SMARCA4: variants seen among roughly 807,000 people sequenced by gnomAD.
SMARCA4 encodes SWI/SNF related BAF chromatin remodeling complex subunit ATPase 4.
Under a neutral mutation model 193.9 loss-of-function variants are expected in SMARCA4, and 31 were observed. The ratio of observed to expected loss-of-function variants is 0.16; its 90% CI spans 0.12 to 0.22. The LOEUF (loss-of-function observed/expected upper bound fraction) is 0.22, where lower values mean the gene tolerates loss of function less well. Ranked by LOEUF, SMARCA4 falls within the 10% of genes least tolerant of loss-of-function variation. The pLI, the probability that SMARCA4 is intolerant of heterozygous loss-of-function variation, is 1.00. For synonymous variants in SMARCA4, 942 were observed against 933.1 expected (o/e 1.01, Z -0.17); for missense variants, 1,148 against 2,296.0 (o/e 0.50, Z 10.22).
In SMARCA4 at chr19:11,024,447, C is replaced by A. The variant is rs112327997; in HGVS notation, c.3081+9C>A. On this transcript the variant is annotated intron_variant, in intron 21 of 34. Coordinates refer to ENST00000344626, the MANE Select transcript of SMARCA4 (RefSeq NM_003072.5). ...CCGAGAAGGACAAGAAGGTGGGCCC[C>A]AGAGTCCCCCAACTGCATTCCCCAC... The A allele has an allele frequency of 3.2e-6, 5 of 1,581,932 alleles. No homozygotes were observed. In the African/African-American group the frequency reaches 4.0e-5, roughly 13 times the overall value.
chr19:11,026,233 G>A (rs2146512227), intron 22 of SMARCA4, 67 bp from the exon 23 acceptor site: 1 of 1,247,148 alleles, frequency 8.0e-7, no homozygotes, highest in Non-Finnish European at 1.2e-6. Context: ...AGCGGTGTGT[G>A]CGGACCGCAG....
chr19:11,057,453 G>A (rs1018882815), intron 30 of SMARCA4, among the ~76,000 whole-genome samples: 8 of 152,320 alleles, frequency 5.3e-5, no homozygotes, highest in Middle Eastern at 3.4e-3. Context: ...ATCCCAGGCC[G>A]GCTGCAGTGG....
At position 11,033,134 on chromosome 19, in the gene SMARCA4, C is replaced by T. The variant is rs896217455; in HGVS notation, c.3547-156C>T. On this transcript the variant is annotated intron_variant, in intron 25 of 34. Transcript: ENST00000344626. This position sits in a 1 kb window ranked among gnomAD's most constrained non-coding sequence, Gnocchi z 9.8. ...GGGACACATGGCGGCCCAGGCTCCA[C>T]CAGCTCTGTTTTCATGCGGCGGCAG... is the stretch of plus-strand genomic sequence containing the variant. The T allele has an allele frequency of 1.6e-5, 11 of 699,728 alleles. No homozygotes were observed. In the African/African-American group the frequency reaches 1.8e-4, roughly 11 times the overall value. The allele number at this position is 699,728 out of a possible 1,614,324, so 43.3% of individuals were successfully genotyped here.
At chr19:11,051,951 C>T (rs1015626746) in intron 30 of SMARCA4, among the ~76,000 whole-genome samples, 6 of 152,028 alleles carry the variant, frequency 3.9e-5, no homozygotes, top group African/African-American at 1.2e-4. Context: ...AAAAATTAGC[C>T]GAGCGTAGTG....
Position 10,984,386 on chromosome 19 carries a change from G to C in SMARCA4, c.222+13G>C, listed in dbSNP as rs773254398. The C allele has an allele frequency of 2.6e-6, 4 of 1,567,688 alleles. No homozygotes were observed. The highest frequency in any genetic ancestry group is 3.5e-6 in the Non-Finnish European group (4 of 1,156,242). On this transcript the variant is annotated intron_variant, in intron 2 of 34. Transcript: ENST00000344626. This position sits in a 1 kb window ranked among gnomAD's most constrained non-coding sequence, Gnocchi z 4.3. ...CCAGATGCACAAGGTAGGGATCCCT[G>C]TGCCCGCCTCGCACCTGCGGCCTCT...
chr19:10,983,691 C>T (rs1322396042), intron 1 of SMARCA4: 1 of 188,698 alleles, frequency 5.3e-6, no homozygotes, highest in Admixed American at 5.3e-5. Flanking sequence ...GCATTGGCCT[C>T]CCAAAGTTCT....
chr19:11,004,908 C>T (rs1044457248), intron 13 of SMARCA4, among the ~76,000 whole-genome samples: 3 of 151,238 alleles, frequency 2.0e-5, no homozygotes, highest in African/African-American at 4.9e-5. Context: ...GGAGCAATCT[C>T]GGCTCACTGC....
chr19:10,973,709 A>G (rs905230844), intron 1 of SMARCA4, among the ~76,000 whole-genome samples: 1 of 151,598 alleles, frequency 6.6e-6, no homozygotes, highest in South Asian at 2.1e-4. Context: ...AGCTGGGACT[A>G]CAGGCGCCTG....
At chr19:10,978,820 G>A (rs557052014) in intron 1 of SMARCA4, among the ~76,000 whole-genome samples, 14 of 151,860 alleles carry the variant, frequency 9.2e-5, no homozygotes, top group South Asian at 6.2e-4. Context: ...ATAGTGGTGC[G>A]TGCCTGTAAT....
In SMARCA4 at chr19:10,984,194, GGTCCTTCCCCGGGCCCT is replaced by G; in HGVS notation, c.45_61del (p.Ser17PhefsTer9). 1 of 1,613,516 alleles carries G rather than the reference GGTCCTTCCCCGGGCCCT, an allele frequency of 6.2e-7. No individual in the cohort carries two copies. The highest frequency in any genetic ancestry group is 8.5e-7 in the Non-Finnish European group (1 of 1,179,864). On this transcript the variant is annotated frameshift_variant, in exon 2 of 35. Coordinates refer to ENST00000344626, the MANE Select transcript of SMARCA4 (RefSeq NM_003072.5). LOFTEE classifies it high-confidence loss of function. The surrounding 1 kb of genome is among the most constrained non-coding windows in gnomAD (Gnocchi z 4.3). ...ACCCCTGGGCGGAACTCCTCGGCCA[GGTCCTTCCCCGGGCCCT>G]GGCCCTTCCCCTGGAGCCATGCTGG...
At chr19:10,995,268 C>T (rs1311187146) in intron 9 of SMARCA4, 2 of 611,116 alleles carry the variant, frequency 3.3e-6, no homozygotes, top group Non-Finnish European at 6.1e-6. Flanking sequence ...TGCCCCCTTC[C>T]CTCGTTCTGT....
In SMARCA4 at chr19:11,059,909, C is replaced by A. The variant is rs139606956; in HGVS notation, c.4768+24C>A. 9.4e-5 allele frequency: 152 copies of A among 1,613,646 alleles called. 1 individual carries two copies. In the East Asian group the frequency reaches 1.8e-3, roughly 19 times the overall value. ...ATGTGAGTCCCGGGGGGGTTCAGGA[C>A]GCCGGGGTTCACGCTGGCCCGAGAG... On this transcript the variant is annotated intron_variant, in intron 33 of 34. Coordinates refer to ENST00000344626, the MANE Select transcript of SMARCA4 (RefSeq NM_003072.5).
chr19:11,021,898 C>T lies in SMARCA4; in HGVS notation c.2790C>T (p.Pro930=), dbSNP rs775427373. The change falls in exon 19 of 35, where the codon CCC becomes CCT. Residue 930 remains proline, a synonymous_variant. Transcript: ENST00000344626. ...GGGCGCTGCTCAACTTCCTGCTGCC[C>T]ACCATCTTCAAGAGCTGCAGCACCT... ...ELWALLNFLL[P]TIFKSCSTFE... 8.7e-6 allele frequency: 14 copies of T among 1,613,816 alleles called. No individual in the cohort carries two copies. The South Asian group carries it at 1.4e-4, about 16-fold the overall frequency.
rs377446548 is a variant in SMARCA4, at chr19:11,030,387, A to G, written c.3383-343A>G. 8.4e-4 allele frequency among the ~76,000 whole-genome samples: 128 copies of G among 152,220 alleles called. 2 individuals carry two copies. The South Asian group carries it at 0.025, about 30-fold the overall frequency. ...AATGGCACAGGGTAGAGTAGAGGAGAGAATCCAGGGCTGTGGTGGTGGTGG... is the reference window on the plus strand; with the variant it reads ...AATGGCACAGGGTAGAGTAGAGGAGGGAATCCAGGGCTGTGGTGGTGGTGG... On this transcript the variant is annotated intron_variant, in intron 24 of 34. Coordinates refer to ENST00000344626, the MANE Select transcript of SMARCA4 (RefSeq NM_003072.5). The surrounding 1 kb of genome is among the most constrained non-coding windows in gnomAD (Gnocchi z 5.5).
At chr19:10,996,810 A>C in intron 11 of SMARCA4, among the ~76,000 whole-genome samples, 1 of 152,176 alleles carries the variant, frequency 6.6e-6, no homozygotes, top group Admixed American at 6.5e-5. Flanking sequence ...GGAGAGGTGC[A>C]AGAACCGTCC....
At position 11,030,039 on chromosome 19, in the gene SMARCA4, C is replaced by T. The variant is rs1165356355; in HGVS notation, c.3383-691C>T. Among the ~76,000 whole-genome samples, 1 of 152,134 alleles carries T rather than the reference C, an allele frequency of 6.6e-6. No individual in the cohort carries two copies. The highest frequency in any genetic ancestry group is 1.5e-5 in the Non-Finnish European group (1 of 68,014). ...TCAGGGGCACCTCTGTCCGAACTCC[C>T]AGCAGCGCAGGGAGTGTTGACATTG... On this transcript the variant is annotated intron_variant, in intron 24 of 34. Coordinates refer to ENST00000344626, the MANE Select transcript of SMARCA4 (RefSeq NM_003072.5). The surrounding 1 kb of genome is among the most constrained non-coding windows in gnomAD (Gnocchi z 5.5).
At chr19:11,016,262 G>C (rs918403241) in intron 16 of SMARCA4, among the ~76,000 whole-genome samples, 6 of 151,982 alleles carry the variant, frequency 3.9e-5, no homozygotes, top group African/African-American at 1.5e-4. Flanking sequence ...GTTCACGAGG[G>C]TTCACGAGGC....
chr19:10,970,867 C>G (rs1165080687), intron 1 of SMARCA4, among the ~76,000 whole-genome samples: 1 of 152,178 alleles, frequency 6.6e-6, no homozygotes, highest in Non-Finnish European at 1.5e-5. Flanking sequence ...CTGGTTTTCT[C>G]TGAGTTGGTG....
intron 8 of SMARCA4, among the ~76,000 whole-genome samples, chr19:10,993,561 C>T (rs905765631): frequency 1.2e-4 from 18 of 152,190 alleles, no homozygotes; most frequent in South Asian, 2.1e-4. Context: ...ATTTCACATC[C>T]GTGCCATGCT....
Sources: gnomAD v4.1 joint callset for allele counts (sites outside exome capture counted in the v4.1 genomes callset) on GRCh38, gnomAD v4.1.1 for gene constraint, Gnocchi (gnomAD v3.1) non-coding constraint, MANE v1.5 for transcripts, NCBI Gene and HGNC (gene_info 2026-07-23, HGNC 2026-07-21) for gene names.